The following DLGAP3 variants were observed in gnomAD, a reference collection of about 807,000 sequenced individuals.
The protein encoded by DLGAP3 is disks large-associated protein 3.
A neutral mutation model predicts 81.2 loss-of-function variants in DLGAP3; 17 were observed. That is an observed-to-expected ratio of 0.21 (90% CI 0.14 to 0.31). The LOEUF (loss-of-function observed/expected upper bound fraction) is 0.31. Ranked by LOEUF, DLGAP3 falls within the 10% of genes least tolerant of loss-of-function variation. The pLI is 1.00. For synonymous variants in DLGAP3, 577 were observed against 587.4 expected (o/e 0.98, Z 0.26); for missense variants, 1,124 against 1,388.0 (o/e 0.81, Z 3.02).
chr1:34,901,111 G>A (rs1258670334), intron 3 of DLGAP3, among the ~76,000 whole-genome samples: 1 of 152,136 alleles, frequency 6.6e-6, no homozygotes, highest in Non-Finnish European at 1.5e-5. Context: ...TAGAACTGTT[G>A]AGCAGGTGGT....
chr1:34,869,464 G>A (rs1296553008), intron 8 of DLGAP3, among the ~76,000 whole-genome samples: 3 of 150,288 alleles, frequency 2.0e-5, no homozygotes, highest in Non-Finnish European at 4.4e-5. Flanking sequence ...TACCAGTGAA[G>A]GCAGAAGATA....
intron 5 of DLGAP3, among the ~76,000 whole-genome samples, chr1:34,889,472 C>A (rs4653114): frequency 0.052 from 7,909 of 152,296 alleles, 362 homozygotes; most frequent in East Asian, 0.2. Context: ...CTTCCCCCAA[C>A]ATCCATTTAC....
At position 34,868,566 on chromosome 1, in the gene DLGAP3, T is replaced by C. The variant is rs368678613; in HGVS notation, c.2485+39A>G. The C allele has an allele frequency of 7.0e-6, 11 of 1,567,888 alleles. No homozygotes were observed. The highest frequency in any genetic ancestry group is 8.8e-6 in the Non-Finnish European group (10 of 1,141,162). On this transcript the variant is annotated intron_variant, in intron 9 of 11. Transcript: ENST00000373347. This position sits in a 1 kb window ranked among gnomAD's most constrained non-coding sequence, Gnocchi z 7.5. ...GGTCTCCTGAGCACACACGAGGCCA[T>C]GGTCCCCAGAGTCCCCTTGTTCCGA...
At chr1:34,869,662 G>A (rs759099360) in intron 8 of DLGAP3, among the ~76,000 whole-genome samples, 1 of 152,046 alleles carries the variant, frequency 6.6e-6, no homozygotes, top group African/African-American at 2.4e-5. Flanking sequence ...TTTTGGAAGA[G>A]ACAGGGTTTC....
At chr1:34,899,236 T>C (rs887643617) in intron 5 of DLGAP3, among the ~76,000 whole-genome samples, 2 of 152,082 alleles carry the variant, frequency 1.3e-5, no homozygotes, top group African/African-American at 4.8e-5. Context: ...GCCTGGCTAA[T>C]TTTTTATATT....
chr1:34,916,542 TGTAAAGAAAATTTCCCAAG>T (rs1443277054), intron 1 of DLGAP3, among the ~76,000 whole-genome samples: 1 of 152,210 alleles, frequency 6.6e-6, no homozygotes, highest in Non-Finnish European at 1.5e-5. Context: ...AGCTTAGAAA[TGTAAAGAAAATTTCCCAAG>T]GTCACATAGA....
Position 34,900,236 on chromosome 1 carries a change from C to T in DLGAP3, c.1145G>A (p.Gly382Asp). The T allele has an allele frequency of 6.2e-7, 1 of 1,614,096 alleles. No individual in the cohort carries two copies. Among genetic ancestry groups the T allele is most frequent in the Non-Finnish European group, 8.5e-7 (1 of 1,180,034 alleles). The change falls in exon 4 of 12, where the codon GGC (glycine) becomes GAC (aspartate). Residue 382 changes from glycine (G) to aspartate (D), a missense_variant. By Grantham distance (94) the Gly-to-Asp change is moderately conservative. Transcript: ENST00000373347. This position sits in a 1 kb window ranked among gnomAD's most constrained non-coding sequence, Gnocchi z 5.6. ...GCGGCAGGGGATCTCCCCATCCTTG[C>T]CACCGGTGGGGTAACCCCCCCAGTC... ...QDDWGGYPTG[G>D]KDGEIPCRRM...
intron 1 of DLGAP3, among the ~76,000 whole-genome samples, chr1:34,919,199 C>CT (rs1350447018): frequency 2.0e-5 from 3 of 152,162 alleles, no homozygotes; most frequent in Non-Finnish European, 4.4e-5. Context: ...GGCTCTATCA[C>CT]TGGCCTCTCG....
At chr1:34,915,736 G>C (rs1459161632) in intron 1 of DLGAP3, among the ~76,000 whole-genome samples, 1 of 152,184 alleles carries the variant, frequency 6.6e-6, no homozygotes, top group Non-Finnish European at 1.5e-5. Flanking sequence ...AACCCTGCCT[G>C]ACCTTCAAGG....
intron 5 of DLGAP3, among the ~76,000 whole-genome samples, chr1:34,886,717 C>T (rs1639237212): frequency 1.3e-5 from 2 of 151,980 alleles, no homozygotes; most frequent in Admixed American, 1.3e-4. Context: ...TGGAGGACAT[C>T]TTTTATTATT....
At position 34,867,422 on chromosome 1, in the gene DLGAP3, C is replaced by T. The variant is rs752915191; in HGVS notation, c.2577+114G>A. 4.6e-6 allele frequency: 5 copies of T among 1,082,428 alleles called. No individual in the cohort carries two copies. Among genetic ancestry groups the T allele is most frequent in the Admixed American group, 1.7e-5 (1 of 59,386 alleles). The allele number at this position is 1,082,428 out of a possible 1,614,324, so 67.1% of individuals were successfully genotyped here. A position where few individuals can be genotyped will look rare whatever the true frequency, so the allele number is the denominator to read the frequency against. On this transcript the variant is annotated intron_variant, in intron 10 of 11. Coordinates refer to ENST00000373347, the MANE Select transcript of DLGAP3 (RefSeq NM_001080418.3). The surrounding 1 kb of genome is among the most constrained non-coding windows in gnomAD (Gnocchi z 4.3). Reference sequence around the variant, plus strand: ...ACAGCTACCCCAGAAGGCATGCAGGCCTGGTCTCACCTCTGGTACACACTC... The same window carrying T: ...ACAGCTACCCCAGAAGGCATGCAGGTCTGGTCTCACCTCTGGTACACACTC...
At chr1:34,914,261 C>T (rs1639684257) in intron 1 of DLGAP3, among the ~76,000 whole-genome samples, 1 of 152,208 alleles carries the variant, frequency 6.6e-6, no homozygotes, top group Non-Finnish European at 1.5e-5. Context: ...TCCTTCATGC[C>T]CCCTAATTGC....
chr1:34,925,302 T>C (rs954814935), intron 1 of DLGAP3: 5 of 152,536 alleles, frequency 3.3e-5, no homozygotes, highest in African/African-American at 1.2e-4. Flanking sequence ...AGCCTCTCAA[T>C]GCCACTCACA....
chr1:34,918,321 G>C (rs1639748197), intron 1 of DLGAP3, among the ~76,000 whole-genome samples: 1 of 152,224 alleles, frequency 6.6e-6, no homozygotes, highest in Admixed American at 6.5e-5. Context: ...GGGTCTATGG[G>C]GATGGCAAGC....
rs945151602 is a variant in DLGAP3 at position 34,899,542 on chromosome 1, C to T, written c.1386+127G>A. The T allele has an allele frequency of 3.4e-6, 3 of 881,116 alleles. No homozygotes were observed. In the African/African-American group the frequency reaches 4.9e-5, roughly 14 times the overall value. 54.6% of individuals were successfully genotyped at this position (881,116 alleles called of 1,614,324 possible). ...CTCCAGGAGTCCTAAGGCAGGTTTC[C>T]CAGTTTCCCCAGAGCCAGGCCTGAG... On this transcript the variant is annotated intron_variant, in intron 5 of 11. Coordinates refer to ENST00000373347, the MANE Select transcript of DLGAP3 (RefSeq NM_001080418.3).
intron 8 of DLGAP3, among the ~76,000 whole-genome samples, chr1:34,880,608 G>C (rs1056441643): frequency 8.6e-5 from 13 of 151,806 alleles, no homozygotes; most frequent in African/African-American, 3.1e-4. Flanking sequence ...GCAGATGCCT[G>C]TAATCCCAGC....
chr1:34,893,388 G>A (rs1448185547), intron 5 of DLGAP3, among the ~76,000 whole-genome samples: 2 of 152,196 alleles, frequency 1.3e-5, no homozygotes, highest in African/African-American at 2.4e-5. Flanking sequence ...ACTAATGGAA[G>A]TCCTTCAGGC....
At position 34,866,107 on chromosome 1, in the gene DLGAP3, G is replaced by T. The variant is rs142123931; in HGVS notation, c.2916C>A (p.Ile972=). Residue 972 remains isoleucine, a synonymous_variant, in exon 12 of 12, where the codon ATC becomes ATA. Transcript: ENST00000373347. The part of the protein sequence containing the change: ...TESADSIEIY[I]PEAQTRL Reference sequence around the variant, plus strand: ...GTCACAGCCTGGTCTGGGCCTCGGGGATGTAGATCTCGATGCTGTCGGCGC... The same window carrying T: ...GTCACAGCCTGGTCTGGGCCTCGGGTATGTAGATCTCGATGCTGTCGGCGC... 1.9e-6 allele frequency: 3 copies of T among 1,599,916 alleles called. No homozygotes were observed. Among genetic ancestry groups the T allele is most frequent in the Non-Finnish European group, 1.7e-6 (2 of 1,179,286 alleles).
At chr1:34,881,312 C>G (rs1419533212) in intron 8 of DLGAP3, among the ~76,000 whole-genome samples, 1 of 152,122 alleles carries the variant, frequency 6.6e-6, no homozygotes, top group Non-Finnish European at 1.5e-5. Flanking sequence ...TAGTTTACAC[C>G]CTCCACATTG....
Sources: gnomAD v4.1 joint callset for allele counts (sites outside exome capture counted in the v4.1 genomes callset) on GRCh38, gnomAD v4.1.1 for gene constraint, Gnocchi (gnomAD v3.1) non-coding constraint, MANE v1.5 for transcripts, NCBI Gene and HGNC (gene_info 2026-07-23, HGNC 2026-07-21) for gene names.